CHD8: variants seen among roughly 807,000 people sequenced by gnomAD.
CHD8 encodes chromodomain helicase DNA binding protein 8.
CHD8 carries 31 observed loss-of-function variants against 279.2 expected under a neutral mutation model. The ratio of observed to expected loss-of-function variants is 0.11; its 90% CI spans 0.08 to 0.15. The LOEUF (loss-of-function observed/expected upper bound fraction) is 0.15. Ranked by LOEUF, CHD8 falls within the 10% of genes least tolerant of loss-of-function variation. The probability of loss-of-function intolerance (pLI) is 1.00; values close to 1 mark genes in which losing one functional copy is unlikely to be tolerated. For synonymous variants in CHD8, 1,081 were observed against 1,139.6 expected (o/e 0.95, Z 1.04); for missense variants, 2,146 against 3,230.5 (o/e 0.66, Z 8.14).
Position 21,408,873 on chromosome 14 carries a change from G to C in CHD8, c.2365-48C>G. The stretch of plus-strand genomic sequence containing the variant: ...AAATGGAGTGGAGACATTATCAAAA[G>C]GTAAGACTTACTAGGTAAGTTCTAA... On this transcript the variant is annotated intron_variant, in intron 11 of 37. Transcript: ENST00000646647. This position sits in a 1 kb window ranked among gnomAD's most constrained non-coding sequence, Gnocchi z 4.3. 2.5e-6 allele frequency: 4 copies of C among 1,571,372 alleles called. No homozygotes were observed. In the Middle Eastern group the frequency reaches 5.0e-4, roughly 197 times the overall value.
chr14:21,388,085 C>G (rs947481755), intron 37 of CHD8, among the ~76,000 whole-genome samples: 6 of 152,186 alleles, frequency 3.9e-5, no homozygotes, highest in African/African-American at 1.4e-4. Flanking sequence ...ACAGGGAAAA[C>G]TGAAACATTC....
Position 21,428,233 on chromosome 14 carries a change from A to G in CHD8, c.1237T>C (p.Ser413Pro). The G allele has an allele frequency of 1.9e-6, 3 of 1,613,932 alleles. No individual in the cohort carries two copies. The highest frequency in any genetic ancestry group is 1.7e-6 in the Non-Finnish European group (2 of 1,179,824). ...QPQAGSSQGA[S>P]SGLSVVKVLS... ...ACTTTAACTACAGAGAGCCCAGAAGAGGCCCCTTGGGAAGAGCCAGCCTAT... is the reference window on the plus strand; with the variant it reads ...ACTTTAACTACAGAGAGCCCAGAAGGGGCCCCTTGGGAAGAGCCAGCCTAT... Residue 413 changes from serine to proline, a missense_variant, in exon 4 of 38, where the codon TCT (serine) becomes CCT (proline). Coordinates refer to ENST00000646647, the MANE Select transcript of CHD8 (RefSeq NM_001170629.2).
chr14:21,415,959 A>C, intron 5 of CHD8, 52 bp from the exon 6 acceptor site: 1 of 1,474,922 alleles, frequency 6.8e-7, no homozygotes, highest in Non-Finnish European at 9.2e-7. Context: ...CACAGAGAAG[A>C]CTTTTAAAAT....
At chr14:21,424,786 A>G (rs1402144333) in intron 5 of CHD8, among the ~76,000 whole-genome samples, 1 of 152,140 alleles carries the variant, frequency 6.6e-6, no homozygotes, top group African/African-American at 2.4e-5. Context: ...ATTCTTACAC[A>G]GTAATTTCCC....
rs1375773817 is a variant in CHD8, at chr14:21,403,650, T to G, written c.3321A>C (p.Lys1107Asn). Residue 1107 changes from lysine to asparagine, a missense_variant, in exon 17 of 38, where the codon AAA becomes AAC. By Grantham distance (94) the Lys-to-Asn change is moderately conservative (BLOSUM62 0). Coordinates refer to ENST00000646647, the MANE Select transcript of CHD8 (RefSeq NM_001170629.2). The surrounding 1 kb of genome is among the most constrained non-coding windows in gnomAD (Gnocchi z 4.3). ...HPYLINGAEE[K>N]ILTEFREACH... ...AAGCTTCACGGAATTCTGTTAGGAT[T>G]TTTTCTTCAGCACCTGCCAAAAGAA... is the stretch of plus-strand genomic sequence containing the variant. 6.3e-7 allele frequency: 1 copy of G among 1,588,708 alleles called. No homozygotes were observed. Among genetic ancestry groups the G allele is most frequent in the African/African-American group, 1.3e-5 (1 of 74,578 alleles).
rs181026602 is a variant in CHD8, at chr14:21,455,565, C to T, written c.-216+467G>A. ...TGAGTAACAATCTGCTTACGCTTAC[C>T]CCATGCTTTCCTACCCACCTTTATT... On this transcript the variant is annotated intron_variant, in intron 1 of 37. Coordinates refer to ENST00000646647, the MANE Select transcript of CHD8 (RefSeq NM_001170629.2). Among the ~76,000 whole-genome samples, 662 of 152,214 alleles carry T rather than the reference C, an allele frequency of 4.3e-3. 1 individual carries two copies. The highest frequency in any genetic ancestry group is 5.2e-3 in the Non-Finnish European group (353 of 68,026).
In CHD8 at chr14:21,390,970, C is replaced by T. The variant is rs764966069; in HGVS notation, c.7159G>A (p.Ala2387Thr). The T allele has an allele frequency of 6.3e-7, 1 of 1,597,292 alleles. No individual in the cohort carries two copies. Among genetic ancestry groups the T allele is most frequent in the Non-Finnish European group, 8.6e-7 (1 of 1,168,812 alleles). ...NCLGMEPVQTANSRNGKKGHH... is the reference protein window; with the variant it reads ...NCLGMEPVQTTNSRNGKKGHH... ...ACCTTTTTCCCATTTCTAGAGTTAG[C>T]TGTCTGTACTGGTTCCATTCCCAAA... Residue 2387 changes from alanine (A) to threonine (T), a missense_variant, in exon 37 of 38, where the codon GCT becomes ACT. Physicochemically the swap from Ala to Thr is moderately conservative, Grantham distance 58 (BLOSUM62 0). Transcript: ENST00000646647.
Position 21,400,283 on chromosome 14 carries a change from C to A in CHD8, c.4595G>T (p.Gly1532Val). ...TGACTTTACTTTTTTTCCTTTGCGT[C>A]CACGAGGCACAGGGATAGATAGACC... ...HSGLSIPVPR[G>V]RKGKKVKSQS... Residue 1532 changes from glycine to valine, a missense_variant, in exon 24 of 38, where the codon GGA (glycine) becomes GTA (valine). Transcript: ENST00000646647. The surrounding 1 kb of genome is among the most constrained non-coding windows in gnomAD (Gnocchi z 4.2). The A allele has an allele frequency of 6.2e-7, 1 of 1,613,828 alleles. No individual in the cohort carries two copies.
intron 1 of CHD8, among the ~76,000 whole-genome samples, chr14:21,438,072 C>T (rs58590391): frequency 6.6e-6 from 1 of 151,902 alleles, no homozygotes; most frequent in Non-Finnish European, 1.5e-5. Context: ...TTGTTTTTTC[C>T]TTTTTTGAGA....
chr14:21,424,080 C>T (rs1040388497), intron 5 of CHD8, among the ~76,000 whole-genome samples: 2 of 152,050 alleles, frequency 1.3e-5, no homozygotes, highest in Non-Finnish European at 2.9e-5. Context: ...AATTTTAATA[C>T]CGTCTTTACA....
chr14:21,452,244 A>G (rs1175095835), intron 1 of CHD8, among the ~76,000 whole-genome samples: 2 of 150,912 alleles, frequency 1.3e-5, no homozygotes, highest in African/African-American at 4.9e-5. Flanking sequence ...GGGTTTCACC[A>G]TGTTGGCTAG....
At chr14:21,399,085 G>A (rs566137178) in intron 26 of CHD8, 7 of 337,344 alleles carry the variant, frequency 2.1e-5, no homozygotes, top group Non-Finnish European at 3.0e-5. Context: ...GAGGATGGCC[G>A]TACTCTTTCA....
intron 26 of CHD8, chr14:21,398,992 G>A: frequency 4.8e-6 from 2 of 417,788 alleles, no homozygotes; most frequent in Admixed American, 2.9e-5. Flanking sequence ...AGTGACACCA[G>A]TGAAAATGTC....
chr14:21,410,723 T>C (rs1019007235), intron 10 of CHD8, among the ~76,000 whole-genome samples: 1 of 152,230 alleles, frequency 6.6e-6, no homozygotes, highest in Non-Finnish European at 1.5e-5. Context: ...AAGGATTAGA[T>C]TGGGCCTAGT....
intron 1 of CHD8, among the ~76,000 whole-genome samples, chr14:21,439,154 C>T (rs1030711618): frequency 1.3e-5 from 2 of 152,040 alleles, no homozygotes; most frequent in African/African-American, 4.8e-5. Flanking sequence ...GGCGGCTTAT[C>T]TCCTGACCAT....
Position 21,402,232 on chromosome 14 carries a change from T to A in CHD8, c.3883-96A>T. 6.7e-7 allele frequency: 1 copy of A among 1,495,956 alleles called. No individual in the cohort carries two copies. The highest frequency in any genetic ancestry group is 9.2e-7 in the Non-Finnish European group (1 of 1,089,518). 92.7% of individuals were successfully genotyped at this position (1,495,956 alleles called of 1,614,324 possible). ...CTATTATATTTTAAGAAATAATAAT[T>A]GAGAATCCAAACAAGGTAGTCAAAT... On this transcript the variant is annotated intron_variant, in intron 19 of 37. Coordinates refer to ENST00000646647, the MANE Select transcript of CHD8 (RefSeq NM_001170629.2). The surrounding 1 kb of genome is among the most constrained non-coding windows in gnomAD (Gnocchi z 4.5).
In CHD8 at chr14:21,394,935, A is replaced by G. The variant is rs776539432; in HGVS notation, c.5367T>C (p.Ile1789=). 6.2e-7 allele frequency: 1 copy of G among 1,613,934 alleles called. No homozygotes were observed. Among genetic ancestry groups the G allele is most frequent in the Admixed American group, 1.7e-5 (1 of 60,018 alleles). Residue 1789 remains isoleucine (I), a synonymous_variant, in exon 30 of 38, where the codon ATT becomes ATC. Transcript: ENST00000646647. ...RCEAAFKLKE[I]ARREKQQRWT... Reference sequence around the variant, plus strand: ...ACCGTTGTTGTTTCTCCCGCCGTGCAATTTCTTTCAGCTTGAAGGCTGCTT... The same window carrying G: ...ACCGTTGTTGTTTCTCCCGCCGTGCGATTTCTTTCAGCTTGAAGGCTGCTT...
intron 1 of CHD8, among the ~76,000 whole-genome samples, chr14:21,432,979 T>G (rs1159498743): frequency 1.3e-5 from 2 of 152,154 alleles, no homozygotes; most frequent in Admixed American, 6.5e-5. Context: ...TATATAAAAA[T>G]TTGTTATGAA....
chr14:21,449,296 TC>T (rs1246105637), intron 1 of CHD8, among the ~76,000 whole-genome samples: 9 of 152,290 alleles, frequency 5.9e-5, no homozygotes, highest in South Asian at 4.1e-4. Flanking sequence ...TTTTTTATTT[TC>T]CCTGTAAAAT....
Sources: allele counts gnomAD v4.1 joint callset (sites outside exome capture counted in the v4.1 genomes callset), GRCh38; gene constraint gnomAD v4.1.1; non-coding constraint Gnocchi (gnomAD v3.1); transcripts MANE v1.5; gene names NCBI Gene and HGNC (gene_info 2026-07-23, HGNC 2026-07-21).